MAD1L1: variants seen among roughly 807,000 people sequenced by gnomAD.
MAD1L1 encodes the protein mitotic spindle assembly checkpoint protein MAD1.
Under a neutral mutation model 96.9 loss-of-function variants are expected in MAD1L1, and 95 were observed. The observed-to-expected ratio is 0.98, with a 90% CI of 0.83 to 1.16. The LOEUF is 1.16. Ranked by LOEUF, MAD1L1 falls within the 50% of genes most tolerant of loss-of-function variation. MAD1L1 has a pLI of 0.00. For synonymous variants in MAD1L1, 473 were observed against 396.6 expected (o/e 1.19, Z -2.29); for missense variants, 1,007 against 954.4 (o/e 1.06, Z -0.73).
At chr7:2,208,877 C>G (rs1792736807) in intron 10 of MAD1L1, among the ~76,000 whole-genome samples, 1 of 152,242 alleles carries the variant, frequency 6.6e-6, no homozygotes, top group African/African-American at 2.4e-5. Context: ...ACAGACCATG[C>G]TCCTGGGAGA....
chr7:1,959,449 T>C (rs1223939667), intron 15 of MAD1L1, among the ~76,000 whole-genome samples: 1 of 152,000 alleles, frequency 6.6e-6, no homozygotes, highest in Non-Finnish European at 1.5e-5. Context: ...GCCACAGATG[T>C]AGAAAGCTCA....
At chr7:1,845,843 G>GA (rs1783591203) in intron 18 of MAD1L1, 1 of 152,630 alleles carries the variant, frequency 6.6e-6, no homozygotes, top group Non-Finnish European at 1.5e-5. Context: ...TTCAGAGCCA[G>GA]GAGCTGTTTC....
intron 18 of MAD1L1, chr7:1,845,855 G>A (rs887749506): frequency 1.3e-5 from 2 of 152,630 alleles, no homozygotes; most frequent in African/African-American, 4.8e-5. Context: ...AGCTGTTTCT[G>A]GGGAGGCAGA....
At chr7:1,922,659 G>C (rs942215395) in intron 17 of MAD1L1, among the ~76,000 whole-genome samples, 18 of 152,190 alleles carry the variant, frequency 1.2e-4, no homozygotes, top group African/African-American at 3.4e-4. Context: ...CCCATCTGGG[G>C]CTCTGGGACA....
intron 10 of MAD1L1, among the ~76,000 whole-genome samples, chr7:2,200,844 A>C (rs1274983714): frequency 6.6e-6 from 1 of 152,208 alleles, no homozygotes; most frequent in Non-Finnish European, 1.5e-5. Flanking sequence ...GAATCAGGGC[A>C]CCTGATTCCA....
intron 17 of MAD1L1, among the ~76,000 whole-genome samples, chr7:1,920,500 A>G (rs1263167988): frequency 6.6e-6 from 1 of 152,124 alleles, no homozygotes; most frequent in Non-Finnish European, 1.5e-5. Flanking sequence ...GCTCTCACCC[A>G]CGGGAGCGGG....
chr7:1,886,047 C>T (rs1383401744), intron 18 of MAD1L1, among the ~76,000 whole-genome samples: 4 of 152,246 alleles, frequency 2.6e-5, no homozygotes, highest in Admixed American at 6.5e-5. Context: ...CACCAGCCCT[C>T]GTCCGCGTAT....
intron 16 of MAD1L1, among the ~76,000 whole-genome samples, chr7:1,950,841 C>A (rs1779460940): frequency 6.6e-6 from 1 of 152,242 alleles, no homozygotes; most frequent in Admixed American, 6.5e-5. Flanking sequence ...CCTGGCTCTG[C>A]CACCCGTGCT....
chr7:2,053,268 C>A (rs531398855), intron 12 of MAD1L1, among the ~76,000 whole-genome samples: 1 of 152,204 alleles, frequency 6.6e-6, no homozygotes, highest in Non-Finnish European at 1.5e-5. Flanking sequence ...GAGGCCCATG[C>A]AGACGGTGAG....
chr7:1,851,332 G>C (rs1041141695), intron 18 of MAD1L1, among the ~76,000 whole-genome samples: 7 of 152,226 alleles, frequency 4.6e-5, no homozygotes, highest in Admixed American at 2.6e-4. Flanking sequence ...TGGAGAAGGT[G>C]GGGGAGGGTG....
At chr7:1,929,439 G>A (rs1168124674) in intron 17 of MAD1L1, among the ~76,000 whole-genome samples, 1 of 152,180 alleles carries the variant, frequency 6.6e-6, no homozygotes, top group East Asian at 1.9e-4. Context: ...AGCCAGCACG[G>A]GAGGCCGGGC....
chr7:2,067,061 G>A (rs1277990293), intron 12 of MAD1L1, among the ~76,000 whole-genome samples: 4 of 152,210 alleles, frequency 2.6e-5, no homozygotes, highest in South Asian at 2.1e-4. Context: ...CTGCCCGCCT[G>A]GCCGGTGTGG....
intron 18 of MAD1L1, among the ~76,000 whole-genome samples, chr7:1,875,587 G>A (rs1364528765): frequency 6.6e-6 from 1 of 152,224 alleles, no homozygotes; most frequent in Non-Finnish European, 1.5e-5. Flanking sequence ...GGGCTGGGAG[G>A]GGCAGGGAGA....
intron 12 of MAD1L1, among the ~76,000 whole-genome samples, chr7:2,058,747 G>C (rs1214018758): frequency 6.4e-5 from 8 of 124,498 alleles, no homozygotes; most frequent in South Asian, 3.1e-4. Context: ...AGTGTGGCTA[G>C]AGGAGAGAAG....
chr7:2,156,414 C>A (rs571987574), intron 10 of MAD1L1, among the ~76,000 whole-genome samples: 1 of 152,178 alleles, frequency 6.6e-6, no homozygotes, highest in East Asian at 1.9e-4. Flanking sequence ...CCGCCCCACC[C>A]CACCCCACTG....
intron 12 of MAD1L1, among the ~76,000 whole-genome samples, chr7:2,038,192 A>G (rs1326243390): frequency 2.0e-5 from 3 of 152,218 alleles, no homozygotes; most frequent in Non-Finnish European, 4.4e-5. Flanking sequence ...AAGCTGCAGA[A>G]TTCAAGTCTG....
chr7:1,880,887 C>T (rs1785644526), intron 18 of MAD1L1, among the ~76,000 whole-genome samples: 1 of 152,222 alleles, frequency 6.6e-6, no homozygotes, highest in African/African-American at 2.4e-5. Context: ...GCCCAGGCCA[C>T]TGCAGCCCCA....
intron 13 of MAD1L1, among the ~76,000 whole-genome samples, chr7:2,006,398 G>A (rs556501106): frequency 6.6e-6 from 1 of 152,324 alleles, no homozygotes. Flanking sequence ...GCCTCCCCAG[G>A]TTCTGTGGAG....
At chr7:2,198,083 G>T (rs1584525955) in intron 10 of MAD1L1, among the ~76,000 whole-genome samples, 3 of 134,200 alleles carry the variant, frequency 2.2e-5, no homozygotes, top group Admixed American at 1.5e-4. Flanking sequence ...ATGAGTTTGG[G>T]TTTTTTTTTT....
Sources: allele counts gnomAD v4.1 joint callset (sites outside exome capture counted in the v4.1 genomes callset), GRCh38; gene constraint gnomAD v4.1.1; transcripts MANE v1.5; gene names NCBI Gene and HGNC (gene_info 2026-07-23, HGNC 2026-07-21).